Variants in ABCA10 observed in about 807,000 individuals in gnomAD.
ABCA10 encodes ATP binding cassette subfamily A member 10.
ABCA10 carries 169 observed loss-of-function variants against 187.5 expected under a neutral mutation model. The ratio of observed to expected loss-of-function variants is 0.90; its 90% CI spans 0.80 to 1.02. The LOEUF (loss-of-function observed/expected upper bound fraction) is 1.02, where lower values mean the gene tolerates loss of function less well. Ranked by LOEUF, ABCA10 falls within the 50% of genes least tolerant of loss-of-function variation. ABCA10 has a pLI of 0.00. For missense variants in ABCA10, 1,727 were observed against 1,812.4 expected (o/e 0.95, Z 0.86); for synonymous variants, 574 against 601.8 (o/e 0.95, Z 0.68).
At chr17:69,208,398 A>T (rs1432892148) in intron 9 of ABCA10, among the ~76,000 whole-genome samples, 1 of 139,058 alleles carries the variant, frequency 7.2e-6, no homozygotes, top group Non-Finnish European at 1.5e-5. Context: ...GTCTGAGGGG[A>T]CAGGGCGAGA....
chr17:69,174,480 G>A (rs1232511806), intron 24 of ABCA10, 86 bp from the exon 25 acceptor site: 8 of 1,446,722 alleles, frequency 5.5e-6, no homozygotes, highest in South Asian at 1.3e-5. Flanking sequence ...TCATAAAGCT[G>A]CCTAAGGCAA....
chr17:69,227,691 G>A (rs1176544183), intron 1 of ABCA10, among the ~76,000 whole-genome samples: 1 of 151,928 alleles, frequency 6.6e-6, no homozygotes, highest in Non-Finnish European at 1.5e-5. Context: ...GCAGTTCCTT[G>A]TCAGTCAGCA....
chr17:69,234,582 C>G (rs2074853328), intron 1 of ABCA10: 1 of 152,218 alleles, frequency 6.6e-6, no homozygotes, highest in Admixed American at 6.5e-5. Context: ...TGGGGTTTCA[C>G]AATCTTATAC....
At chr17:69,169,690 G>A (rs2074282080) in intron 25 of ABCA10, among the ~76,000 whole-genome samples, 3 of 152,178 alleles carry the variant, frequency 2.0e-5, no homozygotes. Context: ...GAATAGTCTT[G>A]ATTGATAACA....
chr17:69,243,692 G>GT (rs1598138027), intron 1 of ABCA10, among the ~76,000 whole-genome samples: 1 of 152,312 alleles, frequency 6.6e-6, no homozygotes, highest in South Asian at 2.1e-4. Context: ...AAGCCCAGGA[G>GT]TTTGAGACCA....
At chr17:69,164,679 A>T (rs1256720518) in intron 26 of ABCA10, among the ~76,000 whole-genome samples, 2 of 152,158 alleles carry the variant, frequency 1.3e-5, no homozygotes, top group Non-Finnish European at 2.9e-5. Flanking sequence ...ATAACAATGG[A>T]AAAGTTTTAG....
chr17:69,230,116 T>G (rs2074821124), upstream of ABCA10, among the ~76,000 whole-genome samples: 1 of 151,924 alleles, frequency 6.6e-6, no homozygotes, highest in Non-Finnish European at 1.5e-5. Context: ...AAAGGATGAG[T>G]TAGGCCCAAT....
chr17:69,203,990 A>G (rs2074569783), intron 9 of ABCA10, among the ~76,000 whole-genome samples: 1 of 152,224 alleles, frequency 6.6e-6, no homozygotes, highest in African/African-American at 2.4e-5. Context: ...ATTTTGTCAC[A>G]GATCATCACC....
chr17:69,179,451 T>C (rs969161701), intron 22 of ABCA10, among the ~76,000 whole-genome samples: 1 of 152,188 alleles, frequency 6.6e-6, no homozygotes, highest in Non-Finnish European at 1.5e-5. Flanking sequence ...TTCAGCTCTG[T>C]GCAGGGTGAA....
intron 25 of ABCA10, among the ~76,000 whole-genome samples, chr17:69,171,237 T>C (rs558724548): frequency 3.9e-5 from 6 of 152,302 alleles, no homozygotes; most frequent in Admixed American, 2.6e-4. Context: ...CAATGAAATG[T>C]TGAAATAAAT....
chr17:69,160,754 A>G (rs1233696670), intron 27 of ABCA10, among the ~76,000 whole-genome samples: 2 of 152,200 alleles, frequency 1.3e-5, no homozygotes, highest in Non-Finnish European at 2.9e-5. Context: ...CTACTATATA[A>G]AAAAATAAGT....
chr17:69,187,061 CA>C (rs1286610421), intron 19 of ABCA10, among the ~76,000 whole-genome samples: 4 of 151,334 alleles, frequency 2.6e-5, no homozygotes, highest in Non-Finnish European at 4.4e-5. Flanking sequence ...CAATGACTAG[CA>C]GAAATTATTG....
At position 69,191,260 on chromosome 17, in the gene ABCA10, G is replaced by A; in HGVS notation, c.1927C>T (p.His643Tyr). Reference sequence around the variant, plus strand: ...GTTGTTAACTTGGCATCAGGAATGTGCTGCTTAATAAGGGATGTGATTTTT... The same window carrying A: ...GTTGTTAACTTGGCATCAGGAATGTACTGCTTAATAAGGGATGTGATTTTT... ...TEKITSLIKQHIPDAKLTTES... is the reference protein window; with the variant it reads ...TEKITSLIKQYIPDAKLTTES... Residue 643 changes from histidine (H) to tyrosine (Y), a missense_variant, in exon 17 of 39, where the codon CAC becomes TAC. By Grantham distance (83) the His-to-Tyr change is moderately conservative. Transcript: ENST00000690296. 1 of 1,605,514 alleles carries A rather than the reference G, an allele frequency of 6.2e-7. No individual in the cohort carries two copies. The highest frequency in any genetic ancestry group is 2.2e-5 in the East Asian group (1 of 44,538).
In ABCA10 at chr17:69,153,538, T is replaced by C; in HGVS notation, c.3974A>G (p.Glu1325Gly). Residue 1325 changes from glutamate to glycine, a missense_variant, in exon 33 of 39, where the codon GAA becomes GGA. Glu to Gly is a moderately conservative substitution (Grantham distance 98). Coordinates refer to ENST00000690296, the MANE Select transcript of ABCA10 (RefSeq NM_001377321.1). ...AAGTTGTTCCTGGAGCTTAAGAGCT[T>C]CCACCAATCTGACAAAAAACAGTGT... is the stretch of plus-strand genomic sequence containing the variant. ...DAALSISRLV[E>G]ALKLQEQLKA... is the part of the protein sequence containing the mutation. 1 of 1,614,132 alleles carries C rather than the reference T, an allele frequency of 6.2e-7. No individual in the cohort carries two copies. Among genetic ancestry groups the C allele is most frequent in the Non-Finnish European group, 8.5e-7 (1 of 1,180,010 alleles).
At chr17:69,238,414 G>T (rs1338139189) in intron 1 of ABCA10, among the ~76,000 whole-genome samples, 1 of 152,038 alleles carries the variant, frequency 6.6e-6, no homozygotes, top group African/African-American at 2.4e-5. Flanking sequence ...AAAACAATGG[G>T]GGTTATGCCA....
intron 1 of ABCA10, among the ~76,000 whole-genome samples, chr17:69,238,024 T>G (rs2074882324): frequency 6.6e-6 from 1 of 152,000 alleles, no homozygotes; most frequent in African/African-American, 2.4e-5. Flanking sequence ...TAGATGGGCA[T>G]GGTGGCAGGC....
chr17:69,163,505 A>T (rs2074233447), intron 27 of ABCA10, among the ~76,000 whole-genome samples: 2 of 152,204 alleles, frequency 1.3e-5, no homozygotes, highest in South Asian at 4.1e-4. Context: ...CATTCATTAT[A>T]CAAAGACCCA....
In ABCA10 at chr17:69,149,987, C is replaced by A. The variant is rs1486639926; in HGVS notation, c.4474G>T (p.Ala1492Ser). The change falls in exon 37 of 39, where the codon GCG (alanine) becomes TCG (serine). Residue 1492 changes from alanine (A) to serine (S), a missense_variant. Ala to Ser is a moderately conservative substitution (Grantham distance 99). Coordinates refer to ENST00000690296, the MANE Select transcript of ABCA10 (RefSeq NM_001377321.1). ...PLSRAFFKLE[A>S]MKQTFNLEEY... Reference sequence around the variant, plus strand: ...ATTTATATATACCCAAACTTACTCGCCTCTAACTTGAAAAAGGCCCGAGAT... The same window carrying A: ...ATTTATATATACCCAAACTTACTCGACTCTAACTTGAAAAAGGCCCGAGAT... 1.6e-5 allele frequency: 25 copies of A among 1,609,170 alleles called. No homozygotes were observed. The highest frequency in any genetic ancestry group is 2.1e-5 in the Non-Finnish European group (25 of 1,176,262).
chr17:69,152,293 G>T, intron 35 of ABCA10, 69 bp downstream of exon 35: 2 of 1,582,044 alleles, frequency 1.3e-6, no homozygotes, highest in South Asian at 2.4e-5. Context: ...AGCATCAGCT[G>T]TTCATAGCAA....
Sources: gnomAD v4.1 joint callset for allele counts (sites outside exome capture counted in the v4.1 genomes callset) on GRCh38, gnomAD v4.1.1 for gene constraint, MANE v1.5 for transcripts, NCBI Gene and HGNC (gene_info 2026-07-23, HGNC 2026-07-21) for gene names.